The following CDK7 variants were observed in gnomAD, a reference collection of about 807,000 sequenced individuals.
CDK7 encodes cyclin-dependent kinase 7.
Under a neutral mutation model 49.1 loss-of-function variants are expected in CDK7, and 25 were observed. The ratio of observed to expected loss-of-function variants is 0.51; its 90% CI spans 0.37 to 0.71. The LOEUF is 0.71. Ranked by LOEUF, CDK7 falls within the 30% of genes least tolerant of loss-of-function variation. The pLI is 0.00. For missense variants in CDK7, 316 were observed against 411.7 expected (o/e 0.77, Z 2.01); for synonymous variants, 107 against 140.0 (o/e 0.76, Z 1.67).
chr5:69,274,719 G>A (rs1751931659), intron 10 of CDK7, among the ~76,000 whole-genome samples: 4 of 152,024 alleles, frequency 2.6e-5, no homozygotes, highest in Admixed American at 1.3e-4. Flanking sequence ...AGGTACAAGC[G>A]ATTCTCCTGT....
chr5:69,240,028 T>C (rs1749264331), intron 2 of CDK7, among the ~76,000 whole-genome samples: 1 of 152,188 alleles, frequency 6.6e-6, no homozygotes, highest in Middle Eastern at 3.4e-3. Flanking sequence ...GAGTATTTTT[T>C]CTTCAGTTGT....
intron 11 of CDK7, 40 bp downstream of exon 11, chr5:69,276,730 A>G (rs369918037): frequency 7.7e-6 from 12 of 1,568,370 alleles, no homozygotes; most frequent in Non-Finnish European, 9.6e-6. Flanking sequence ...ATGAATTTAG[A>G]AAACTCCAAA....
intron 5 of CDK7, among the ~76,000 whole-genome samples, 183 bp from the exon 6 acceptor site, chr5:69,257,860 G>A (rs1750583560): frequency 6.6e-6 from 1 of 152,230 alleles, no homozygotes; most frequent in Non-Finnish European, 1.5e-5. Context: ...TTTCAAACCA[G>A]AAATGCTCTC....
intron 2 of CDK7, chr5:69,250,745 G>A (rs1178388461): frequency 2.2e-6 from 1 of 456,604 alleles, no homozygotes; most frequent in East Asian, 7.0e-5. Flanking sequence ...TCTCAAACAG[G>A]AGTCTCTGCT....
In CDK7 at chr5:69,255,518, C is replaced by G; in HGVS notation, c.287C>G (p.Thr96Ser). The G allele has an allele frequency of 3.8e-6, 6 of 1,577,618 alleles. No individual in the cohort carries two copies. Among genetic ancestry groups the G allele is most frequent in the Non-Finnish European group, 5.2e-6 (6 of 1,150,826 alleles). Residue 96 changes from threonine to serine, a missense_variant, in exon 5 of 12, where the codon ACT becomes AGT. By Grantham distance (58) the Thr-to-Ser change is moderately conservative. Transcript: ENST00000256443. ...NISLVFDFME[T>S]DLEVIIKDNS... is the part of the protein sequence containing the mutation. ...AGCCTTGTCTTTGATTTTATGGAAA[C>G]TGATCTAGAGGTAAGATTAAGATTC...
At chr5:69,241,064 T>G (rs1203219121) in intron 2 of CDK7, among the ~76,000 whole-genome samples, 4 of 152,194 alleles carry the variant, frequency 2.6e-5, no homozygotes, top group Admixed American at 6.5e-5. Flanking sequence ...AGTTCAGATA[T>G]CTCTTGGACA....
chr5:69,268,630 A>G (rs572403208), intron 8 of CDK7, among the ~76,000 whole-genome samples: 1 of 152,048 alleles, frequency 6.6e-6, no homozygotes, highest in Admixed American at 6.6e-5. Context: ...AGGCGGGCAA[A>G]TCACAATGTC....
chr5:69,274,519 ATC>A (rs758729396), intron 10 of CDK7, among the ~76,000 whole-genome samples: 2 of 152,326 alleles, frequency 1.3e-5, no homozygotes, highest in Non-Finnish European at 2.9e-5. Flanking sequence ...GAAGTAAGGA[ATC>A]TCTAAATTAC....
chr5:69,264,692 C>T (rs993037238), intron 8 of CDK7, among the ~76,000 whole-genome samples: 2 of 152,206 alleles, frequency 1.3e-5, no homozygotes, highest in African/African-American at 2.4e-5. Context: ...ATTATGAGGC[C>T]GGGCGCAGTA....
chr5:69,254,329 C>CA (rs2150204714), intron 3 of CDK7, among the ~76,000 whole-genome samples: 1 of 152,026 alleles, frequency 6.6e-6, no homozygotes, highest in African/African-American at 2.4e-5. Context: ...GGAGACCAGC[C>CA]TGATGAACAT....
At chr5:69,270,383 T>G (rs1329004633) in intron 9 of CDK7, among the ~76,000 whole-genome samples, 1 of 152,194 alleles carries the variant, frequency 6.6e-6, no homozygotes, top group Non-Finnish European at 1.5e-5. Context: ...AAGTCAAGGC[T>G]GCAGTGAGCT....
chr5:69,266,217 C>G (rs1751149907), intron 8 of CDK7, among the ~76,000 whole-genome samples: 1 of 152,160 alleles, frequency 6.6e-6, no homozygotes, highest in South Asian at 2.1e-4. Context: ...CTGAGCTGAG[C>G]TGGTGCAGAG....
intron 8 of CDK7, among the ~76,000 whole-genome samples, chr5:69,267,410 T>A (rs1187256988): frequency 6.7e-6 from 1 of 150,080 alleles, no homozygotes; most frequent in Non-Finnish European, 1.5e-5. Flanking sequence ...GTGATTCTCG[T>A]GCCTCAGCCT....
At chr5:69,246,681 A>G (rs1214218937) in intron 2 of CDK7, among the ~76,000 whole-genome samples, 1 of 140,448 alleles carries the variant, frequency 7.1e-6, no homozygotes, top group East Asian at 2.0e-4. Flanking sequence ...AAGATGCATC[A>G]TTGTTTATTT....
chr5:69,249,330 CAGGAGTTTG>C (rs1749983078), intron 2 of CDK7, among the ~76,000 whole-genome samples: 1 of 150,302 alleles, frequency 6.7e-6, no homozygotes. Flanking sequence ...CACTTGAGCT[CAGGAGTTTG>C]AGACCAGCCT....
chr5:69,253,145 A>C (rs1002935485), intron 3 of CDK7, among the ~76,000 whole-genome samples: 2 of 152,236 alleles, frequency 1.3e-5, no homozygotes, highest in African/African-American at 4.8e-5. Flanking sequence ...GAATAGATAC[A>C]TGAGGAAATT....
At chr5:69,252,356 C>A in intron 2 of CDK7, 62 bp from the exon 3 acceptor site, 2 of 983,220 alleles carry the variant, frequency 2.0e-6, no homozygotes, top group Non-Finnish European at 3.2e-6. Flanking sequence ...ACACATTATT[C>A]ATTGATTCTA....
intron 8 of CDK7, 22 bp downstream of exon 8, chr5:69,262,326 C>G (rs772048595): frequency 1.9e-6 from 3 of 1,613,812 alleles, no homozygotes; most frequent in African/African-American, 2.7e-5. Flanking sequence ...TTAATGTACG[C>G]ACTTTAATAT....
At chr5:69,242,286 T>C (rs182867032) in intron 2 of CDK7, among the ~76,000 whole-genome samples, 1 of 152,234 alleles carries the variant, frequency 6.6e-6, no homozygotes, top group East Asian at 1.9e-4. Flanking sequence ...TGGTAGGCAG[T>C]GGGCTAAGGA....
Sources: allele counts gnomAD v4.1 joint callset (sites outside exome capture counted in the v4.1 genomes callset), GRCh38; gene constraint gnomAD v4.1.1; transcripts MANE v1.5; gene names NCBI Gene and HGNC (gene_info 2026-07-23, HGNC 2026-07-21).